ICA1: variants seen among roughly 807,000 people sequenced by gnomAD.
ICA1 encodes islet cell autoantigen 1, also known as 69 kDa islet cell autoantigen.
ICA1 carries 40 observed loss-of-function variants against 71.0 expected under a neutral mutation model. The observed-to-expected ratio is 0.56, with a 90% CI of 0.44 to 0.73. The LOEUF (loss-of-function observed/expected upper bound fraction) is 0.73. ICA1 is among the 30% of genes least tolerant of loss of function. The probability of loss-of-function intolerance (pLI) is 0.00; values close to 1 mark genes in which losing one functional copy is unlikely to be tolerated. For missense variants in ICA1, 578 were observed against 576.5 expected (o/e 1.00, Z -0.03); for synonymous variants, 207 against 209.5 (o/e 0.99, Z 0.10).
At chr7:8,252,224 C>T (rs1010905565) in intron 1 of ICA1, among the ~76,000 whole-genome samples, 6 of 152,148 alleles carry the variant, frequency 3.9e-5, no homozygotes, top group African/African-American at 1.4e-4. Flanking sequence ...GTGGTGTTTT[C>T]TCTAAAAGCT....
intron 12 of ICA1, among the ~76,000 whole-genome samples, chr7:8,135,343 T>A (rs1308656120): frequency 6.6e-6 from 1 of 151,942 alleles, no homozygotes; most frequent in Non-Finnish European, 1.5e-5. Flanking sequence ...TTTATAGAAA[T>A]CTTTATAAGG....
At chr7:8,218,544 G>C in intron 5 of ICA1, 41 bp from the exon 6 acceptor site, 1 of 1,546,354 alleles carries the variant, frequency 6.5e-7, no homozygotes, top group South Asian at 1.1e-5. Flanking sequence ...AACTAAGCCA[G>C]TGAGCAATTT....
chr7:8,246,948 G>C (rs893992610), intron 1 of ICA1, among the ~76,000 whole-genome samples: 4 of 152,014 alleles, frequency 2.6e-5, no homozygotes, highest in African/African-American at 9.7e-5. Context: ...GGGTTTCACC[G>C]TGTTAGCCAG....
intron 8 of ICA1, among the ~76,000 whole-genome samples, chr7:8,147,545 T>C (rs1797451570): frequency 6.6e-6 from 1 of 152,100 alleles, no homozygotes; most frequent in Admixed American, 6.6e-5. Flanking sequence ...TACATAAGGT[T>C]ACACTAAAAA....
At chr7:8,213,504 A>C (rs1261630888) in intron 6 of ICA1, among the ~76,000 whole-genome samples, 1 of 152,240 alleles carries the variant, frequency 6.6e-6, no homozygotes, top group Non-Finnish European at 1.5e-5. Flanking sequence ...GGCAGAAAGG[A>C]AAGGCCTTCG....
intron 1 of ICA1, among the ~76,000 whole-genome samples, chr7:8,251,630 T>C (rs1485644520): frequency 2.6e-5 from 4 of 151,862 alleles, no homozygotes; most frequent in African/African-American, 7.3e-5. Context: ...CAAGTTCACA[T>C]AGAGGAATGC....
In ICA1 at chr7:8,219,336, G is replaced by T. The variant is rs117245562; in HGVS notation, c.381-833C>A. On this transcript the variant is annotated intron_variant, in intron 5 of 13. Coordinates refer to ENST00000402384, the MANE Select transcript of ICA1 (RefSeq NM_001136020.3). ...TTCTTCATGAAGTTTCAGGGCACAG[G>T]TGCCAAAAAATGAATATTTAAATTT... 4.6e-5 allele frequency among the ~76,000 whole-genome samples: 7 copies of T among 152,274 alleles called. No homozygotes were observed. In the South Asian group the frequency reaches 1.5e-3, roughly 32 times the overall value.
chr7:8,127,938 C>A lies in ICA1; in HGVS notation c.1265G>T (p.Gly422Val). ...LGEPDPKAQT[G>V]SGFLPSQLLD... ...AAGCTGCGAAGGAAGGAAACCTGAG[C>A]CTGTCTGGGCCTTGGGGTCTGGCTC... is the stretch of plus-strand genomic sequence containing the variant. Residue 422 changes from glycine (G) to valine (V), a missense_variant, in exon 13 of 14, where the codon GGC (glycine) becomes GTC (valine). By Grantham distance (109) the Gly-to-Val change is moderately radical. Coordinates refer to ENST00000402384, the MANE Select transcript of ICA1 (RefSeq NM_001136020.3). The A allele has an allele frequency of 1.2e-6, 2 of 1,614,186 alleles. No homozygotes were observed. Among genetic ancestry groups the A allele is most frequent in the Non-Finnish European group, 1.7e-6 (2 of 1,180,038 alleles).
Position 8,234,827 on chromosome 7 carries a change from A to C in ICA1, c.17+1083T>G, listed in dbSNP as rs925119821. Among the ~76,000 whole-genome samples, 1 of 152,194 alleles carries C rather than the reference A, an allele frequency of 6.6e-6. No individual in the cohort carries two copies. The highest frequency in any genetic ancestry group is 1.5e-5 in the Non-Finnish European group (1 of 68,036). Reference sequence around the variant, plus strand: ...AAGGTTGGAAGGATACACTCCAAAGACTGATTATTTTAGGGGAATGGCATT... The same window carrying C: ...AAGGTTGGAAGGATACACTCCAAAGCCTGATTATTTTAGGGGAATGGCATT... On this transcript the variant is annotated intron_variant, in intron 2 of 13. Transcript: ENST00000402384. This position sits in a 1 kb window ranked among gnomAD's most constrained non-coding sequence, Gnocchi z 4.5.
chr7:8,186,207 G>A (rs932095560), intron 6 of ICA1, among the ~76,000 whole-genome samples: 5 of 152,200 alleles, frequency 3.3e-5, no homozygotes, highest in Non-Finnish European at 7.3e-5. Flanking sequence ...TACATGGTTT[G>A]GCTAATGGGA....
chr7:8,178,043 C>T (rs988815298), intron 6 of ICA1, among the ~76,000 whole-genome samples: 18 of 152,220 alleles, frequency 1.2e-4, no homozygotes, highest in African/African-American at 4.1e-4. Flanking sequence ...TCTCTACCTC[C>T]ATCTTTGGCT....
chr7:8,115,089 T>A (rs1784372164), intron 13 of ICA1: 2 of 152,238 alleles, frequency 1.3e-5, no homozygotes, highest in African/African-American at 4.8e-5. Flanking sequence ...GGCACTGAAA[T>A]GCTAAGATAG....
chr7:8,239,965 G>T (rs753621374), intron 1 of ICA1, among the ~76,000 whole-genome samples: 1 of 152,222 alleles, frequency 6.6e-6, no homozygotes, highest in Non-Finnish European at 1.5e-5. Context: ...CACCTCTGGG[G>T]GAAGGGCATC....
chr7:8,139,379 T>C (rs559033438), intron 10 of ICA1, among the ~76,000 whole-genome samples: 1 of 152,314 alleles, frequency 6.6e-6, no homozygotes, highest in South Asian at 2.1e-4. Context: ...TGGGCCTGGC[T>C]AAAATGAAAA....
rs1452383873 is a variant in ICA1 at position 8,144,006 on chromosome 7, A to T, written c.805-34T>A. ...CGAGCCATAGAAAAATGAAAAAGAA[A>T]AAAAAAGAAGAAGAAATAGAGACAA... On this transcript the variant is annotated intron_variant, in intron 8 of 13. Transcript: ENST00000402384. The surrounding 1 kb of genome is among the most constrained non-coding windows in gnomAD (Gnocchi z 4.5). The T allele has an allele frequency of 8.4e-7, 1 of 1,193,838 alleles. No homozygotes were observed. The highest frequency in any genetic ancestry group is 1.5e-5 in the African/African-American group (1 of 65,242). 74.0% of individuals were successfully genotyped at this position (1,193,838 alleles called of 1,614,324 possible).
chr7:8,143,716 G>A (rs1795971714), intron 9 of ICA1, among the ~76,000 whole-genome samples, 159 bp downstream of exon 9: 1 of 152,144 alleles, frequency 6.6e-6, no homozygotes, highest in African/African-American at 2.4e-5. Flanking sequence ...GCAGGAGCAT[G>A]CGTTAAAGGG....
chr7:8,133,375 C>G (rs917564538), intron 12 of ICA1, among the ~76,000 whole-genome samples: 1 of 152,168 alleles, frequency 6.6e-6, no homozygotes, highest in Non-Finnish European at 1.5e-5. Context: ...GCACTCCAGG[C>G]TTGAATGCCT....
At chr7:8,200,810 A>C (rs1388178879) in intron 6 of ICA1, among the ~76,000 whole-genome samples, 1 of 152,226 alleles carries the variant, frequency 6.6e-6, no homozygotes, top group Non-Finnish European at 1.5e-5. Context: ...TGTCCAGCCA[A>C]ACAGGATAGT....
chr7:8,235,809 C>A (rs758684343), intron 2 of ICA1, 101 bp downstream of exon 2: 2 of 1,217,432 alleles, frequency 1.6e-6, no homozygotes, highest in South Asian at 2.5e-5. Context: ...ATGATACTTA[C>A]TGCCAATGTA....
Sources: gnomAD v4.1 joint callset for allele counts (sites outside exome capture counted in the v4.1 genomes callset) on GRCh38, gnomAD v4.1.1 for gene constraint, Gnocchi (gnomAD v3.1) non-coding constraint, MANE v1.5 for transcripts, NCBI Gene and HGNC (gene_info 2026-07-23, HGNC 2026-07-21) for gene names.